FMNL3: variants seen among roughly 807,000 people sequenced by gnomAD.
FMNL3 encodes the protein formin-like protein 3.
FMNL3 carries 57 observed loss-of-function variants against 119.6 expected under a neutral mutation model. The ratio of observed to expected loss-of-function variants is 0.48; its 90% CI spans 0.39 to 0.59. The LOEUF (loss-of-function observed/expected upper bound fraction) is 0.59, where lower values mean the gene tolerates loss of function less well. Ranked by LOEUF, FMNL3 falls within the 20% of genes least tolerant of loss-of-function variation. The probability of loss-of-function intolerance (pLI) is 0.00; values close to 1 mark genes in which losing one functional copy is unlikely to be tolerated. For missense variants in FMNL3, 1,053 were observed against 1,323.5 expected (o/e 0.80, Z 3.17); for synonymous variants, 491 against 507.3 (o/e 0.97, Z 0.43).
At chr12:49,694,374 T>C (rs566077977) in intron 1 of FMNL3, among the ~76,000 whole-genome samples, 1 of 152,334 alleles carries the variant, frequency 6.6e-6, no homozygotes, top group East Asian at 1.9e-4. Context: ...CTCTTCCCCA[T>C]TCCTTTTTTT....
chr12:49,701,571 G>A (rs1007109697), intron 1 of FMNL3, among the ~76,000 whole-genome samples: 1 of 152,164 alleles, frequency 6.6e-6, no homozygotes, highest in African/African-American at 2.4e-5. Flanking sequence ...TCTAAGAAAA[G>A]GTGTATGGGT....
chr12:49,650,199 A>G (rs983945363), intron 17 of FMNL3, among the ~76,000 whole-genome samples: 3 of 152,026 alleles, frequency 2.0e-5, no homozygotes, highest in African/African-American at 7.2e-5. Flanking sequence ...AGCCTGCAAG[A>G]CTTCTGCCCA....
At position 49,648,276 on chromosome 12, in the gene FMNL3, G is replaced by A. The variant is rs776831707; in HGVS notation, c.2593C>T (p.His865Tyr). Residue 865 changes from histidine to tyrosine, a missense_variant, in exon 22 of 26, where the codon CAT becomes TAT. Coordinates refer to ENST00000335154, the MANE Select transcript of FMNL3 (RefSeq NM_175736.5). ...AAGTTCCGGAGGACGCTGTTGTCAT[G>A]GATGCTGCACTCACGCCGAATCAGC... The part of the protein sequence containing the change: ...MELIRRECSI[H>Y]DNSVLRNFLS... 4 of 1,613,982 alleles carry A rather than the reference G, an allele frequency of 2.5e-6. No homozygotes were observed. The highest frequency in any genetic ancestry group is 3.4e-6 in the Non-Finnish European group (4 of 1,179,980).
intron 14 of FMNL3, 88 bp downstream of exon 14, chr12:49,651,845 C>A (rs1215014798): frequency 6.9e-7 from 1 of 1,452,400 alleles, no homozygotes; most frequent in African/African-American, 1.4e-5. Context: ...ATTTTCCCAG[C>A]TTCTCCCTGA....
At position 49,645,890 on chromosome 12, in the gene FMNL3, C is replaced by T. The variant is rs757670241; in HGVS notation, c.3009G>A (p.Gln1003=). The change falls in exon 26 of 26, where the codon CAG becomes CAA. Residue 1003 remains glutamine (Q), a synonymous_variant. Transcript: ENST00000335154. The stretch of plus-strand genomic sequence containing the variant: ...TGGCTTGGTGGCGAACAACCATAGG[C>T]TGGCAGTGGAGGCCTGTGGGGGAAG... ...IEDIITGLHC[Q]PMVVRHQARS... is the part of the protein sequence containing the mutation. 2 of 1,612,284 alleles carry T rather than the reference C, an allele frequency of 1.2e-6. No individual in the cohort carries two copies. The highest frequency in any genetic ancestry group is 1.1e-5 in the South Asian group (1 of 90,888).
intron 1 of FMNL3, among the ~76,000 whole-genome samples, chr12:49,700,259 G>C (rs1332919527): frequency 2.0e-5 from 3 of 151,996 alleles, no homozygotes; most frequent in Non-Finnish European, 2.9e-5. Context: ...AGGCGTGGTG[G>C]CGGGCGCCTG....
At chr12:49,673,404 T>C (rs1370633623) in intron 1 of FMNL3, among the ~76,000 whole-genome samples, 1 of 152,232 alleles carries the variant, frequency 6.6e-6, no homozygotes, top group Non-Finnish European at 1.5e-5. Flanking sequence ...TGTTCCCATG[T>C]TCCCACTAGG....
In FMNL3 at chr12:49,643,944, G is replaced by T. The variant is rs552348674; in HGVS notation, c.*1871C>A. ...AAGAACAAGAACAGGACAAGGACAG[G>T]GAGCTCCAACAGGCAGAGCTCCCTA... On this transcript the variant is annotated 3_prime_UTR_variant, in exon 26 of 26. Coordinates refer to ENST00000335154, the MANE Select transcript of FMNL3 (RefSeq NM_175736.5). 1.9e-6 allele frequency: 3 copies of T among 1,614,202 alleles called. No homozygotes were observed. The African/African-American group carries it at 4.0e-5, about 22-fold the overall frequency.
chr12:49,651,924 C>T lies in FMNL3; in HGVS notation c.1603+9G>A, dbSNP rs1264250105. The T allele has an allele frequency of 4.4e-6, 7 of 1,573,954 alleles. No homozygotes were observed. Among genetic ancestry groups the T allele is most frequent in the Admixed American group, 1.8e-5 (1 of 56,622 alleles). ...GCCCCTGTTGGCTCCCAGGGGTCGT[C>T]GTGGTTACCTGGTAATGGGGGAGGT... is the stretch of plus-strand genomic sequence containing the variant. On this transcript the variant is annotated intron_variant, in intron 14 of 25. Coordinates refer to ENST00000335154, the MANE Select transcript of FMNL3 (RefSeq NM_175736.5).
chr12:49,699,128 G>C (rs1944833297), intron 1 of FMNL3, among the ~76,000 whole-genome samples: 1 of 152,168 alleles, frequency 6.6e-6, no homozygotes, highest in Non-Finnish European at 1.5e-5. Context: ...GAATGGAAGA[G>C]ACTGGTCTGG....
rs1424310247 is a variant in FMNL3 at position 49,707,138 on chromosome 12, G to T, written c.43C>A (p.Pro15Thr). 1.3e-6 allele frequency: 2 copies of T among 1,599,470 alleles called. No homozygotes were observed. Among genetic ancestry groups the T allele is most frequent in the African/African-American group, 1.4e-5 (1 of 73,932 alleles). Residue 15 changes from proline (P) to threonine (T), a missense_variant, in exon 1 of 26, where the codon CCC becomes ACC. Transcript: ENST00000335154. ...ESAEGVPGEPPSVPLLLPPGK... is the reference protein window; with the variant it reads ...ESAEGVPGEPTSVPLLLPPGK... ...GGCGGCAGCAACAACGGGACAGAGGGGGGCTCTCCCGGGACCCCCTCGGCG... is the reference window on the plus strand; with the variant it reads ...GGCGGCAGCAACAACGGGACAGAGGTGGGCTCTCCCGGGACCCCCTCGGCG...
chr12:49,678,273 T>A (rs1364857582), intron 1 of FMNL3, among the ~76,000 whole-genome samples: 2 of 152,156 alleles, frequency 1.3e-5, no homozygotes, highest in East Asian at 3.9e-4. Flanking sequence ...TTCTCCTGCC[T>A]CAGCCTCCCA....
At chr12:49,672,243 T>C (rs149999429) in intron 1 of FMNL3, among the ~76,000 whole-genome samples, 1 of 152,208 alleles carries the variant, frequency 6.6e-6, no homozygotes, top group East Asian at 1.9e-4. Context: ...GATCCTGCTC[T>C]GGCTTCCTCT....
intron 1 of FMNL3, among the ~76,000 whole-genome samples, chr12:49,706,852 G>T (rs1945061711): frequency 6.6e-6 from 1 of 152,150 alleles, no homozygotes; most frequent in African/African-American, 2.4e-5. Flanking sequence ...AGCGGTGGAG[G>T]CGTCGGTCCC....
rs1053520721 is a variant in FMNL3, at chr12:49,636,615, C to T, written c.*9200G>A. On this transcript the variant is annotated 3_prime_UTR_variant, in exon 26 of 26. Transcript: ENST00000335154. ...CCTTCCCCCACCACCCTGGGTATCC[C>T]TAGCACCTGTAGGACAGCATCGTTG... The T allele has an allele frequency of 6.1e-5, 94 of 1,541,404 alleles. No homozygotes were observed. Among genetic ancestry groups the T allele is most frequent in the Non-Finnish European group, 8.0e-5 (90 of 1,129,192 alleles).
intron 25 of FMNL3, among the ~76,000 whole-genome samples, 172 bp from the exon 26 acceptor site, chr12:49,646,075 A>G (rs1382623384): frequency 1.3e-5 from 2 of 151,998 alleles, no homozygotes; most frequent in East Asian, 1.9e-4. Flanking sequence ...GGTTGGGGAG[A>G]TTGCTGGGCT....
At position 49,649,353 on chromosome 12, in the gene FMNL3, G is replaced by T; in HGVS notation, c.2305-14C>A. The T allele has an allele frequency of 6.2e-7, 1 of 1,614,140 alleles. No homozygotes were observed. The highest frequency in any genetic ancestry group is 8.5e-7 in the Non-Finnish European group (1 of 1,180,020). Reference sequence around the variant, plus strand: ...TGCAAGTATGATCTGTCCAAAGAATGTGTGGGAGGCAGGTCAGGCTCAGGT... The same window carrying T: ...TGCAAGTATGATCTGTCCAAAGAATTTGTGGGAGGCAGGTCAGGCTCAGGT... On this transcript the variant is annotated splice_polypyrimidine_tract_variant and intron_variant, in intron 19 of 25. Coordinates refer to ENST00000335154, the MANE Select transcript of FMNL3 (RefSeq NM_175736.5). This position sits in a 1 kb window ranked among gnomAD's most constrained non-coding sequence, Gnocchi z 5.6.
chr12:49,672,156 C>T (rs1944062954), intron 1 of FMNL3, among the ~76,000 whole-genome samples: 1 of 152,178 alleles, frequency 6.6e-6, no homozygotes, highest in Non-Finnish European at 1.5e-5. Flanking sequence ...GGCTGTCTCT[C>T]TCTCTCTGCC....
intron 1 of FMNL3, among the ~76,000 whole-genome samples, chr12:49,687,532 C>T (rs1944498072): frequency 6.6e-6 from 1 of 152,154 alleles, no homozygotes; most frequent in South Asian, 2.1e-4. Flanking sequence ...CCCCAATGAC[C>T]ATCTATCTCT....
Sources: allele counts gnomAD v4.1 joint callset (sites outside exome capture counted in the v4.1 genomes callset), GRCh38; gene constraint gnomAD v4.1.1; non-coding constraint Gnocchi (gnomAD v3.1); transcripts MANE v1.5; gene names NCBI Gene and HGNC (gene_info 2026-07-23, HGNC 2026-07-21).